The following GUCY1A2 variants were observed in gnomAD, a reference collection of about 807,000 sequenced individuals.
GUCY1A2 encodes guanylate cyclase 1 soluble subunit alpha 2.
A neutral mutation model predicts 63.5 loss-of-function variants in GUCY1A2; 27 were observed. The ratio of observed to expected loss-of-function variants is 0.43; its 90% CI spans 0.31 to 0.59. GUCY1A2 has a LOEUF of 0.59. Among genes scored for constraint, GUCY1A2 ranks in the 20% least tolerant of loss-of-function variants. The pLI, the probability that GUCY1A2 is intolerant of heterozygous loss-of-function variation, is 0.11. For missense variants in GUCY1A2, 768 were observed against 913.3 expected (o/e 0.84, Z 2.05); for synonymous variants, 364 against 343.5 (o/e 1.06, Z -0.66).
chr11:106,747,918 T>C (rs547363026), intron 6 of GUCY1A2, among the ~76,000 whole-genome samples: 37 of 152,326 alleles, frequency 2.4e-4, no homozygotes, highest in African/African-American at 8.4e-4. Context: ...AACTGTACTC[T>C]GTTGAGACAA....
At chr11:106,949,601 A>C (rs1443386901) in intron 3 of GUCY1A2, among the ~76,000 whole-genome samples, 2 of 152,150 alleles carry the variant, frequency 1.3e-5, no homozygotes, top group Non-Finnish European at 2.9e-5. Flanking sequence ...TTAGGCTTCC[A>C]AAGCACCTTG....
intron 6 of GUCY1A2, among the ~76,000 whole-genome samples, chr11:106,733,078 G>A (rs1216812459): frequency 1.3e-5 from 2 of 152,228 alleles, no homozygotes; most frequent in East Asian, 3.9e-4. Flanking sequence ...AAAAACGCTT[G>A]TTTTCCAGCG....
chr11:106,966,860 G>A (rs961563264), intron 3 of GUCY1A2, among the ~76,000 whole-genome samples: 2 of 152,098 alleles, frequency 1.3e-5, no homozygotes, highest in Non-Finnish European at 1.5e-5. Context: ...AAGTAAACAC[G>A]TTTGGCAGAT....
intron 4 of GUCY1A2, among the ~76,000 whole-genome samples, chr11:106,894,624 A>C (rs1591317225): frequency 6.6e-6 from 1 of 152,224 alleles, no homozygotes; most frequent in East Asian, 1.9e-4. Context: ...ATTATGAGTC[A>C]GTAACAGAAA....
chr11:106,945,196 T>C (rs1296869838), intron 3 of GUCY1A2, among the ~76,000 whole-genome samples: 2 of 149,692 alleles, frequency 1.3e-5, no homozygotes, highest in South Asian at 4.2e-4. Flanking sequence ...TCTTTTAAGT[T>C]GCAAGAGAAA....
chr11:106,768,140 A>C (rs1490873762), intron 6 of GUCY1A2, among the ~76,000 whole-genome samples: 1 of 152,090 alleles, frequency 6.6e-6, no homozygotes, highest in African/African-American at 2.4e-5. Context: ...ACTGAATTTA[A>C]TCAATGTCAA....
At chr11:106,886,726 G>A (rs146427982) in intron 4 of GUCY1A2, among the ~76,000 whole-genome samples, 1,952 of 152,084 alleles carry the variant, frequency 0.013, 28 homozygotes, top group South Asian at 0.047. Flanking sequence ...CACTTTCAAC[G>A]TGGAATACTC....
intron 5 of GUCY1A2, among the ~76,000 whole-genome samples, chr11:106,789,168 C>A (rs1202857883): frequency 6.6e-6 from 1 of 152,050 alleles, no homozygotes; most frequent in African/African-American, 2.4e-5. Context: ...TGGTCAAGTT[C>A]ATTGCTAGGT....
chr11:106,819,312 G>C (rs1858870641), intron 4 of GUCY1A2, among the ~76,000 whole-genome samples: 1 of 152,132 alleles, frequency 6.6e-6, no homozygotes, highest in South Asian at 2.1e-4. Flanking sequence ...AGTTTGAGAA[G>C]ACATATTCAA....
chr11:107,018,128 G>GAGGCGGCGGT lies in GUCY1A2; in HGVS notation c.-74_-73insACCGCCGCCT. The GAGGCGGCGGT allele has an allele frequency of 9.8e-7, 1 of 1,021,938 alleles. No individual in the cohort carries two copies. The highest frequency in any genetic ancestry group is 2.6e-5 in the South Asian group (1 of 39,124). 63.3% of individuals were successfully genotyped at this position (1,021,938 alleles called of 1,614,324 possible). On this transcript the variant is annotated 5_prime_UTR_variant, in exon 1 of 8. Transcript: ENST00000526355. ...AGCGGCGGCGGAGGCGGCGGTGGCG[G>GAGGCGGCGGT]GACCGGCAAGCGACAACGTTAAGCG...
intron 4 of GUCY1A2, chr11:106,827,363 T>C (rs868404127): frequency 6.4e-7 from 1 of 1,556,040 alleles, no homozygotes; most frequent in Middle Eastern, 1.7e-4. Flanking sequence ...CCTATAGCTT[T>C]ATCTTTAATG....
rs1862488046 is a variant in GUCY1A2, at chr11:106,684,467, A to G, written c.*3082T>C. On this transcript the variant is annotated 3_prime_UTR_variant, in exon 8 of 8. Transcript: ENST00000526355. The stretch of plus-strand genomic sequence containing the variant: ...TTTTTATTATGGCCAATGTTACCTA[A>G]TGATTAAGGTCCACAAAGAAGATAC... The G allele has an allele frequency of 5.2e-6, 1 of 190,882 alleles. No homozygotes were observed. The highest frequency in any genetic ancestry group is 6.2e-5 in the Admixed American group (1 of 16,256). 11.8% of individuals were successfully genotyped at this position (190,882 alleles called of 1,614,324 possible).
intron 4 of GUCY1A2, among the ~76,000 whole-genome samples, chr11:106,839,669 C>T (rs1014198396): frequency 1.3e-5 from 2 of 151,756 alleles, no homozygotes; most frequent in African/African-American, 4.8e-5. Flanking sequence ...CCATGGAATA[C>T]TATGCAGCCA....
At chr11:106,898,568 T>C (rs1250893887) in intron 4 of GUCY1A2, among the ~76,000 whole-genome samples, 1 of 152,152 alleles carries the variant, frequency 6.6e-6, no homozygotes, top group East Asian at 1.9e-4. Context: ...AAAAATTAAA[T>C]GTGCATAATT....
At chr11:106,713,465 C>T (rs1444784598) in intron 6 of GUCY1A2, among the ~76,000 whole-genome samples, 2 of 146,040 alleles carry the variant, frequency 1.4e-5, no homozygotes, top group African/African-American at 2.5e-5. Context: ...TCTCTAAAAT[C>T]AGCAAAGCAC....
intron 4 of GUCY1A2, among the ~76,000 whole-genome samples, chr11:106,851,817 T>A (rs1450150780): frequency 6.6e-6 from 1 of 151,984 alleles, no homozygotes; most frequent in Admixed American, 6.6e-5. Flanking sequence ...TTACTCAGTA[T>A]TTCTTTCGCA....
At chr11:106,733,872 A>G (rs570042088) in intron 6 of GUCY1A2, among the ~76,000 whole-genome samples, 20 of 152,092 alleles carry the variant, frequency 1.3e-4, no homozygotes, top group Non-Finnish European at 2.8e-4. Context: ...TAGAAATATT[A>G]TCAGTCCTCT....
Position 106,756,873 on chromosome 11 carries a change from C to G in GUCY1A2, c.1836+19566G>C, listed in dbSNP as rs535116034. ...TATCTTTGTGGTGGTCTCTGTATTT[C>G]CTGAATTTGAATGTTGGCCTGCCTT... On this transcript the variant is annotated intron_variant, in intron 6 of 7. Transcript: ENST00000526355. Among the ~76,000 whole-genome samples the G allele has an allele frequency of 1.9e-4, 29 of 152,204 alleles. No individual in the cohort carries two copies. The South Asian group carries it at 6.0e-3, about 32-fold the overall frequency.
intron 7 of GUCY1A2, among the ~76,000 whole-genome samples, chr11:106,698,404 G>A (rs970330969): frequency 5.9e-5 from 9 of 151,860 alleles, no homozygotes; most frequent in African/African-American, 2.2e-4. Context: ...TTGCAGGCAT[G>A]AGCCACTGTG....
Sources: allele counts gnomAD v4.1 joint callset (sites outside exome capture counted in the v4.1 genomes callset), GRCh38; gene constraint gnomAD v4.1.1; transcripts MANE v1.5; gene names NCBI Gene and HGNC (gene_info 2026-07-23, HGNC 2026-07-21).